The following RRP1B variants were observed in gnomAD, a reference collection of about 807,000 sequenced individuals.
The protein encoded by RRP1B is ribosomal RNA processing protein 1 homolog B.
A neutral mutation model predicts 80.2 loss-of-function variants in RRP1B; 56 were observed. The observed-to-expected ratio is 0.70, with a 90% CI of 0.56 to 0.87. The LOEUF (loss-of-function observed/expected upper bound fraction) is 0.87, where lower values mean the gene tolerates loss of function less well. Ranked by LOEUF, RRP1B falls within the 40% of genes least tolerant of loss-of-function variation. The probability of loss-of-function intolerance (pLI) is 0.00; values close to 1 mark genes in which losing one functional copy is unlikely to be tolerated. For missense variants in RRP1B, 807 were observed against 939.8 expected, an observed-to-expected ratio of 0.86 and a Z score of 1.85; for synonymous variants, 351 against 357.6, an observed-to-expected ratio of 0.98 and a Z score of 0.21.
At position 43,693,127 on chromosome 21, in the gene RRP1B, A is replaced by G; in HGVS notation, c.2084-63A>G. The G allele has an allele frequency of 6.4e-7, 1 of 1,550,682 alleles. No homozygotes were observed. Among genetic ancestry groups the G allele is most frequent in the Non-Finnish European group, 8.9e-7 (1 of 1,128,566 alleles). On this transcript the variant is annotated intron_variant, in intron 15 of 15. Transcript: ENST00000340648. The surrounding 1 kb of genome is among the most constrained non-coding windows in gnomAD (Gnocchi z 4.1). ...TCGGCACCCAGGCAGGACGCTGTCTAAGGTGTTGAAGGGACAGCTGTCGGA... is the reference window on the plus strand; with the variant it reads ...TCGGCACCCAGGCAGGACGCTGTCTGAGGTGTTGAAGGGACAGCTGTCGGA...
intron 4 of RRP1B, among the ~76,000 whole-genome samples, 185 bp downstream of exon 4, chr21:43,674,140 G>A (rs2083011491): frequency 6.6e-6 from 1 of 152,180 alleles, no homozygotes; most frequent in South Asian, 2.1e-4. Flanking sequence ...ATGAGTTTGG[G>A]GAGCATTAGT....
At chr21:43,661,581 G>A (rs140358576) in intron 1 of RRP1B, among the ~76,000 whole-genome samples, 292 of 152,218 alleles carry the variant, frequency 1.9e-3, no homozygotes, top group African/African-American at 6.8e-3. Context: ...GTATCTCACC[G>A]AAACTTCTGC....
intron 6 of RRP1B, among the ~76,000 whole-genome samples, chr21:43,675,983 A>G (rs1395598415): frequency 6.6e-6 from 1 of 151,924 alleles, no homozygotes; most frequent in Non-Finnish European, 1.5e-5. Context: ...GGGAAGTCAC[A>G]AGATTGGACA....
chr21:43,676,644 G>A (rs879108032), intron 7 of RRP1B, 89 bp from the exon 8 acceptor site: 41 of 1,233,994 alleles, frequency 3.3e-5, no homozygotes, highest in Middle Eastern at 2.8e-4. Context: ...CCACAGCAAC[G>A]TGTGCAGGGC....
rs2083095474 is a variant in RRP1B at position 43,693,547 on chromosome 21, G to A, written c.*164G>A. On this transcript the variant is annotated 3_prime_UTR_variant, in exon 16 of 16. Coordinates refer to ENST00000340648, the MANE Select transcript of RRP1B (RefSeq NM_015056.3). The surrounding 1 kb of genome is among the most constrained non-coding windows in gnomAD (Gnocchi z 4.1). The stretch of plus-strand genomic sequence containing the variant: ...GCTGCTGCGTCCTGGCCCCTCTGTA[G>A]TGGCTGCGGGCGTCTTGGTTGAATC... The A allele has an allele frequency of 1.7e-5, 10 of 589,076 alleles. No homozygotes were observed. In the East Asian group the frequency reaches 3.0e-4, roughly 18 times the overall value. The allele number at this position is 589,076 out of a possible 1,614,324, so 36.5% of individuals were successfully genotyped here.
Position 43,659,861 on chromosome 21 carries a change from A to G in RRP1B, c.130+67A>G, listed in dbSNP as rs1298417820. 5.0e-6 allele frequency: 7 copies of G among 1,393,312 alleles called. No homozygotes were observed. Among genetic ancestry groups the G allele is most frequent in the East Asian group, 3.0e-5 (1 of 33,748 alleles). The allele number at this position is 1,393,312 out of a possible 1,614,324, so 86.3% of individuals were successfully genotyped here. A position where few individuals can be genotyped will look rare whatever the true frequency, so the allele number is the denominator to read the frequency against. On this transcript the variant is annotated intron_variant, in intron 1 of 15. Coordinates refer to ENST00000340648, the MANE Select transcript of RRP1B (RefSeq NM_015056.3). This position sits in a 1 kb window ranked among gnomAD's most constrained non-coding sequence, Gnocchi z 4.2. ...GGGGGCCGGGGCTGGGGCTAGGGCC[A>G]GGGCCCCGGCACGGAATGCGGCTTC...
chr21:43,691,435 G>A lies in RRP1B; in HGVS notation c.2020-4G>A, dbSNP rs757673571. On this transcript the variant is annotated splice_region_variant and splice_polypyrimidine_tract_variant and intron_variant, in intron 14 of 15. Coordinates refer to ENST00000340648, the MANE Select transcript of RRP1B (RefSeq NM_015056.3). This position sits in a 1 kb window ranked among gnomAD's most constrained non-coding sequence, Gnocchi z 4.2. ...CTTTTGTTCCTGTTATTTCTCTTCTGCAGCTAAACAAGACACCATCCAGCT... is the reference window on the plus strand; with the variant it reads ...CTTTTGTTCCTGTTATTTCTCTTCTACAGCTAAACAAGACACCATCCAGCT... 10 of 1,613,800 alleles carry A rather than the reference G, an allele frequency of 6.2e-6. No homozygotes were observed. The East Asian group carries it at 2.2e-4, about 36-fold the overall frequency.
intron 11 of RRP1B, 146 bp downstream of exon 11, chr21:43,685,935 A>G: frequency 9.6e-7 from 1 of 1,043,394 alleles, no homozygotes; most frequent in South Asian, 1.8e-5. Flanking sequence ...AGCCCAGGCA[A>G]AATAGCAAGG....
intron 7 of RRP1B, among the ~76,000 whole-genome samples, 179 bp downstream of exon 7, chr21:43,676,515 C>T (rs1433239302): frequency 6.6e-6 from 1 of 152,258 alleles, no homozygotes; most frequent in African/African-American, 2.4e-5. Context: ...ATTTGCCTCA[C>T]TCATTCCAGG....
intron 6 of RRP1B, 70 bp downstream of exon 6, chr21:43,675,233 GT>G: frequency 6.7e-7 from 1 of 1,489,764 alleles, no homozygotes; most frequent in Non-Finnish European, 9.2e-7. Flanking sequence ...CGCCAGTGAA[GT>G]GCTGTGGGGT....
Position 43,685,626 on chromosome 21 carries a change from C to T in RRP1B, c.990-144C>T, listed in dbSNP as rs367628692. Reference sequence around the variant, plus strand: ...AGAATTTCCTGTCTAGCCTCCCCTCCTGGAGGAGAACGTGAATTAACAACT... The same window carrying T: ...AGAATTTCCTGTCTAGCCTCCCCTCTTGGAGGAGAACGTGAATTAACAACT... On this transcript the variant is annotated intron_variant, in intron 10 of 15. Transcript: ENST00000340648. 50 of 575,214 alleles carry T rather than the reference C, an allele frequency of 8.7e-5. No homozygotes were observed. In the East Asian group the frequency reaches 1.4e-3, roughly 16 times the overall value. The allele number at this position is 575,214 out of a possible 1,614,324, so 35.6% of individuals were successfully genotyped here. A position where few individuals can be genotyped will look rare whatever the true frequency, so the allele number is the denominator to read the frequency against.
rs1007833673 is a variant in RRP1B at position 43,659,763 on chromosome 21, G to A, written c.99G>A (p.Gln33=). 2.6e-6 allele frequency: 4 copies of A among 1,521,722 alleles called. No homozygotes were observed. Among genetic ancestry groups the A allele is most frequent in the Admixed American group, 2.1e-5 (1 of 48,756 alleles). 94.3% of individuals were successfully genotyped at this position (1,521,722 alleles called of 1,614,324 possible). The part of the protein sequence containing the change: ...IRDRAVKKLR[Q]YISVKTQRET... ...ACCGAGCGGTGAAGAAGCTGCGCCA[G>A]TACATCAGCGTGAAGACGCAGAGGG... Residue 33 remains glutamine, a synonymous_variant, in exon 1 of 16, where the codon CAG becomes CAA. Transcript: ENST00000340648. The surrounding 1 kb of genome is among the most constrained non-coding windows in gnomAD (Gnocchi z 4.2).
intron 1 of RRP1B, among the ~76,000 whole-genome samples, chr21:43,668,360 C>CT (rs767474011): frequency 0.023 from 3,297 of 140,492 alleles, 71 homozygotes; most frequent in African/African-American, 0.063. Context: ...CTTTTTGTCA[C>CT]TTTTTTTTTT....
At position 43,685,797 on chromosome 21, in the gene RRP1B, G is replaced by A. The variant is rs745492876; in HGVS notation, c.1009+8G>A. The A allele has an allele frequency of 4.9e-5, 77 of 1,585,314 alleles. No individual in the cohort carries two copies. Among genetic ancestry groups the A allele is most frequent in the South Asian group, 5.9e-5 (5 of 84,658 alleles). Reference sequence around the variant, plus strand: ...TCCAAGACCTTTCTGAAGGTGAGGCGCGCCAAGAATCATCATTCATGGTGT... The same window carrying A: ...TCCAAGACCTTTCTGAAGGTGAGGCACGCCAAGAATCATCATTCATGGTGT... On this transcript the variant is annotated splice_region_variant and intron_variant, in intron 11 of 15. Transcript: ENST00000340648.
chr21:43,683,501 A>G (rs2083051503), intron 9 of RRP1B, 128 bp downstream of exon 9: 2 of 631,740 alleles, frequency 3.2e-6, no homozygotes, highest in East Asian at 5.6e-5. Flanking sequence ...CCCTTCAGTC[A>G]CTAAATGTCA....
chr21:43,671,696 T>C (rs984656125), intron 2 of RRP1B, among the ~76,000 whole-genome samples: 1 of 149,416 alleles, frequency 6.7e-6, no homozygotes, highest in African/African-American at 2.5e-5. Context: ...TTTTGGTTGT[T>C]GTTGTTGTTT....
chr21:43,682,948 C>G (rs1282089774), intron 8 of RRP1B, among the ~76,000 whole-genome samples: 1 of 152,230 alleles, frequency 6.6e-6, no homozygotes, highest in East Asian at 1.9e-4. Flanking sequence ...TCTTGGCTCA[C>G]TGCAACCTCT....
At chr21:43,685,338 G>A (rs148259004) in intron 10 of RRP1B, among the ~76,000 whole-genome samples, 1 of 152,298 alleles carries the variant, frequency 6.6e-6, no homozygotes, top group East Asian at 1.9e-4. Flanking sequence ...TCCCCACACT[G>A]CGCTTCGATG....
At chr21:43,670,412 C>T (rs771851485) in intron 2 of RRP1B, among the ~76,000 whole-genome samples, 1 of 152,248 alleles carries the variant, frequency 6.6e-6, no homozygotes, top group Non-Finnish European at 1.5e-5. Flanking sequence ...CTGTTAAAGC[C>T]GAGTGCGCCT....
Sources: allele counts gnomAD v4.1 joint callset (sites outside exome capture counted in the v4.1 genomes callset), GRCh38; gene constraint gnomAD v4.1.1; non-coding constraint Gnocchi (gnomAD v3.1); transcripts MANE v1.5; gene names NCBI Gene and HGNC (gene_info 2026-07-23, HGNC 2026-07-21).